CDH8: variants seen among roughly 807,000 people sequenced by gnomAD.
The protein encoded by CDH8 is cadherin 8, also known as cadherin-8.
A neutral mutation model predicts 68.1 loss-of-function variants in CDH8; 17 were observed. That is an observed-to-expected ratio of 0.25 (90% CI 0.17 to 0.37). The LOEUF (loss-of-function observed/expected upper bound fraction) is 0.37. CDH8 is among the 10% of genes least tolerant of loss of function. The pLI is 1.00. For synonymous variants in CDH8, 372 were observed against 365.1 expected (o/e 1.02, Z -0.21); for missense variants, 763 against 999.3 (o/e 0.76, Z 3.19).
At chr16:62,032,771 T>C (rs1402176159) in intron 1 of CDH8, among the ~76,000 whole-genome samples, 2 of 152,218 alleles carry the variant, frequency 1.3e-5, no homozygotes, top group African/African-American at 2.4e-5. Flanking sequence ...TGAAAGCCTT[T>C]GGTTTTGCAT....
intron 7 of CDH8, among the ~76,000 whole-genome samples, chr16:61,794,080 G>A (rs1352345375): frequency 1.3e-5 from 2 of 152,016 alleles, no homozygotes; most frequent in East Asian, 3.9e-4. Flanking sequence ...AAGATGGTAA[G>A]AATTTAGACC....
chr16:61,656,597 C>A (rs1443849406), intron 10 of CDH8, among the ~76,000 whole-genome samples: 1 of 152,082 alleles, frequency 6.6e-6, no homozygotes, highest in East Asian at 1.9e-4. Context: ...AGGAGATATG[C>A]CACATACATT....
At chr16:62,010,975 C>G (rs926128893) in intron 2 of CDH8, among the ~76,000 whole-genome samples, 2 of 151,650 alleles carry the variant, frequency 1.3e-5, no homozygotes, top group South Asian at 4.2e-4. Context: ...TTTTTCTCCC[C>G]CATTTTCATG....
At chr16:61,968,922 T>A (rs932370102) in intron 2 of CDH8, among the ~76,000 whole-genome samples, 2 of 152,186 alleles carry the variant, frequency 1.3e-5, no homozygotes, top group African/African-American at 4.8e-5. Flanking sequence ...CCAGAAAGGG[T>A]GAGGACATCT....
intron 4 of CDH8, among the ~76,000 whole-genome samples, chr16:61,849,811 A>T (rs773819768): frequency 6.6e-6 from 1 of 152,136 alleles, no homozygotes; most frequent in Non-Finnish European, 1.5e-5. Flanking sequence ...CCAACAATGC[A>T]AGAGCTTTTG....
Position 62,028,212 on chromosome 16 carries a change from C to G in CDH8, c.-199-6610G>C, listed in dbSNP as rs6498819. ...CCTGAGTAGCTGGGATTAGAGGCAC[C>G]CGCCACAATGCCCGGCTAATTTTTT... is the stretch of plus-strand genomic sequence containing the variant. On this transcript the variant is annotated intron_variant, in intron 1 of 11. Coordinates refer to ENST00000577390, the MANE Select transcript of CDH8 (RefSeq NM_001796.5). Among the ~76,000 whole-genome samples, 1,314 of 151,684 alleles carry G rather than the reference C, an allele frequency of 8.7e-3. 18 individuals carry two copies. The highest frequency in any genetic ancestry group is 0.03 in the African/African-American group (1,221 of 41,340).
chr16:61,896,498 A>C (rs1963870786), intron 3 of CDH8, among the ~76,000 whole-genome samples: 1 of 152,222 alleles, frequency 6.6e-6, no homozygotes, highest in Non-Finnish European at 1.5e-5. Flanking sequence ...ACAGCGAAGG[A>C]AGAAAAATGA....
At chr16:61,719,219 A>G (rs1959200061) in intron 9 of CDH8, among the ~76,000 whole-genome samples, 1 of 150,850 alleles carries the variant, frequency 6.6e-6, no homozygotes, top group Admixed American at 6.6e-5. Flanking sequence ...ACATACAGGA[A>G]ATACAGCAGG....
intron 4 of CDH8, among the ~76,000 whole-genome samples, chr16:61,835,427 G>T (rs1412749113): frequency 6.6e-6 from 1 of 151,648 alleles, no homozygotes; most frequent in Non-Finnish European, 1.5e-5. Flanking sequence ...ATTATATCAC[G>T]TCTCTATATT....
intron 7 of CDH8, among the ~76,000 whole-genome samples, chr16:61,795,971 C>T (rs1453166680): frequency 6.6e-6 from 1 of 152,012 alleles, no homozygotes; most frequent in Admixed American, 6.6e-5. Context: ...TAAACATTTG[C>T]CTGACCTTTG....
At chr16:61,679,321 A>T (rs377044068) in intron 10 of CDH8, among the ~76,000 whole-genome samples, 15 of 152,142 alleles carry the variant, frequency 9.9e-5, no homozygotes, top group Non-Finnish European at 2.1e-4. Context: ...CTGAGATGGG[A>T]CATTATCAGG....
At chr16:61,813,610 C>T (rs953245684) in intron 7 of CDH8, among the ~76,000 whole-genome samples, 2 of 152,132 alleles carry the variant, frequency 1.3e-5, no homozygotes, top group African/African-American at 4.8e-5. Context: ...AGTTCCGTGT[C>T]CTAGCCGGGA....
chr16:62,001,955 A>T (rs182293552), intron 2 of CDH8, among the ~76,000 whole-genome samples: 1 of 152,078 alleles, frequency 6.6e-6, no homozygotes, highest in Non-Finnish European at 1.5e-5. Context: ...TATTATTTTT[A>T]AAAATGAGGA....
intron 10 of CDH8, among the ~76,000 whole-genome samples, chr16:61,696,787 C>T (rs187185466): frequency 6.6e-6 from 1 of 152,238 alleles, no homozygotes; most frequent in Non-Finnish European, 1.5e-5. Context: ...ATGTCCTTTG[C>T]AGAAACGTGG....
At chr16:61,866,088 GC>G (rs1963247703) in intron 3 of CDH8, among the ~76,000 whole-genome samples, 1 of 40,530 alleles carries the variant, frequency 2.5e-5, no homozygotes, top group African/African-American at 1.1e-4. Context: ...ATGGTGGTGT[GC>G]ACCTGTAGTC....
intron 3 of CDH8, among the ~76,000 whole-genome samples, chr16:61,871,192 CT>C (rs1567508369): frequency 1.3e-5 from 2 of 151,558 alleles, no homozygotes; most frequent in Non-Finnish European, 1.5e-5. Context: ...TATATTTTTC[CT>C]TTTTTTGAGA....
intron 8 of CDH8, among the ~76,000 whole-genome samples, chr16:61,756,810 A>C (rs1454552647): frequency 3.3e-5 from 5 of 152,162 alleles, no homozygotes; most frequent in Admixed American, 2.0e-4. Flanking sequence ...AAGAATCTCT[A>C]GGCTTTGGAA....
chr16:61,877,550 T>C (rs1356930706), intron 3 of CDH8, among the ~76,000 whole-genome samples: 1 of 152,170 alleles, frequency 6.6e-6, no homozygotes, highest in Non-Finnish European at 1.5e-5. Flanking sequence ...ACAAAATTTA[T>C]ATTTCAGAGT....
intron 7 of CDH8, among the ~76,000 whole-genome samples, chr16:61,801,767 A>C (rs914567113): frequency 2.6e-5 from 4 of 152,242 alleles, no homozygotes; most frequent in Non-Finnish European, 5.9e-5. Context: ...CCGGCTTAAA[A>C]AGCGGCGAAC....
Sources: allele counts gnomAD v4.1 joint callset (sites outside exome capture counted in the v4.1 genomes callset), GRCh38; gene constraint gnomAD v4.1.1; transcripts MANE v1.5; gene names NCBI Gene and HGNC (gene_info 2026-07-23, HGNC 2026-07-21).